The following HAPSTR1 variants were observed in gnomAD, a reference collection of about 807,000 sequenced individuals.
HAPSTR1 encodes the protein HUWE1-associated protein modifying stress responses 1.
chr16:9,098,469 A>T, the HAPSTR1 span, among the ~76,000 whole-genome samples: 3 of 152,184 alleles, frequency 2.0e-5, no homozygotes, highest in Non-Finnish European at 4.4e-5. Flanking sequence ...ACGATTGGGA[A>T]CAGTTTTATT....
At chr16:9,098,804 AT>A in the HAPSTR1 span, among the ~76,000 whole-genome samples, 1 of 152,172 alleles carries the variant, frequency 6.6e-6, no homozygotes, top group Admixed American at 6.5e-5. Flanking sequence ...TGGTTTGTAG[AT>A]TGTCTGCAAT....
At chr16:9,109,747 G>C in the HAPSTR1 span, 1 of 152,092 alleles carries the variant, frequency 6.6e-6, no homozygotes, top group African/African-American at 2.4e-5. Flanking sequence ...TGCTCAGGCA[G>C]TCTAGCCTTT....
the HAPSTR1 span, chr16:9,092,912 G>C: frequency 3.1e-6 from 4 of 1,291,574 alleles, no homozygotes; most frequent in Non-Finnish European, 2.1e-6. Context: ...TTTTTGGCTT[G>C]CTTTTCAGAC....
the HAPSTR1 span, among the ~76,000 whole-genome samples, chr16:9,095,230 A>T: frequency 1.9e-4 from 29 of 152,310 alleles, no homozygotes; most frequent in Non-Finnish European, 3.1e-4. Flanking sequence ...ATTTGATTCA[A>T]GGAGTGTGTG....
chr16:9,110,175 T>TTG, the HAPSTR1 span: 2 of 146,460 alleles, frequency 1.4e-5, no homozygotes, highest in East Asian at 3.9e-4. Flanking sequence ...TTTTTTTTTT[T>TTG]GCCCAACTGA....
chr16:9,097,004 G>C, the HAPSTR1 span, among the ~76,000 whole-genome samples: 2 of 151,942 alleles, frequency 1.3e-5, no homozygotes, highest in Non-Finnish European at 2.9e-5. Flanking sequence ...GTGCAATGGC[G>C]TGATCTCGGC....
chr16:9,114,964 A>ACTC, the HAPSTR1 span, among the ~76,000 whole-genome samples: 1 of 152,138 alleles, frequency 6.6e-6, no homozygotes, highest in Non-Finnish European at 1.5e-5. Flanking sequence ...CTGAAGAGGG[A>ACTC]CAGTTTGATT....
At chr16:9,112,618 G>C in the HAPSTR1 span, 5 of 152,334 alleles carry the variant, frequency 3.3e-5, no homozygotes, top group East Asian at 9.6e-4. Flanking sequence ...CTAACTATGT[G>C]CCTGGAAACT....
chr16:9,113,297 C>T, the HAPSTR1 span: 3 of 152,108 alleles, frequency 2.0e-5, no homozygotes, highest in Non-Finnish European at 4.4e-5. Context: ...AGTCATAGAT[C>T]ATATTGCACA....
the HAPSTR1 span, chr16:9,113,112 A>G: frequency 6.7e-6 from 1 of 149,826 alleles, no homozygotes; most frequent in East Asian, 2.0e-4. Context: ...TGGCTTAGCT[A>G]AGGTTTCCTA....
chr16:9,098,849 C>T, the HAPSTR1 span, among the ~76,000 whole-genome samples: 4 of 152,100 alleles, frequency 2.6e-5, no homozygotes, highest in Non-Finnish European at 5.9e-5. Flanking sequence ...GAAGAGAGGT[C>T]ACAGAGGGAA....
the HAPSTR1 span, chr16:9,103,313 G>T: frequency 1.3e-6 from 2 of 1,561,590 alleles, no homozygotes; most frequent in East Asian, 2.3e-5. Flanking sequence ...GGTGCCTGTG[G>T]ACCCATTTTT....
the HAPSTR1 span, among the ~76,000 whole-genome samples, chr16:9,115,058 A>G: frequency 9.2e-5 from 14 of 152,050 alleles, no homozygotes; most frequent in African/African-American, 3.4e-4. Flanking sequence ...TGCAGAAAGG[A>G]ATGGGGGCAC....
the HAPSTR1 span, chr16:9,116,672 T>C: frequency 6.2e-7 from 1 of 1,613,596 alleles, no homozygotes; most frequent in Non-Finnish European, 8.5e-7. Flanking sequence ...TCCTAGGTCT[T>C]AGTGGTGCAA....
the HAPSTR1 span, chr16:9,091,929 G>T: frequency 2.3e-6 from 2 of 862,010 alleles, no homozygotes; most frequent in Non-Finnish European, 3.2e-6. Context: ...AAAGGAGAAG[G>T]CGCCGTCGGT....
the HAPSTR1 span, chr16:9,121,339 G>A: frequency 6.6e-6 from 1 of 152,224 alleles, no homozygotes. Context: ...GATGGGTCTT[G>A]CCAAAGTACC....
At chr16:9,093,294 C>T in the HAPSTR1 span, among the ~76,000 whole-genome samples, 2 of 152,088 alleles carry the variant, frequency 1.3e-5, no homozygotes, top group Non-Finnish European at 2.9e-5. Flanking sequence ...CCTGCAGTGC[C>T]CAAGATAACC....
chr16:9,099,207 T>C, the HAPSTR1 span, among the ~76,000 whole-genome samples: 1 of 152,002 alleles, frequency 6.6e-6, no homozygotes, highest in Non-Finnish European at 1.5e-5. Flanking sequence ...TCTTTTTTTT[T>C]TCTTTTTTTG....
chr16:9,097,258 T>G, the HAPSTR1 span, among the ~76,000 whole-genome samples: 1 of 151,310 alleles, frequency 6.6e-6, no homozygotes, highest in African/African-American at 2.4e-5. Flanking sequence ...TTTTTTTTCT[T>G]TTGAGACAGG....
Sources: gnomAD v4.1 joint callset for allele counts (sites outside exome capture counted in the v4.1 genomes callset) on GRCh38, gnomAD v4.1.1 for gene constraint, MANE v1.5 for transcripts, NCBI Gene and HGNC (gene_info 2026-07-23, HGNC 2026-07-21) for gene names.